SPAG16: variants seen among roughly 807,000 people sequenced by gnomAD.
SPAG16 encodes sperm-associated antigen 16 protein.
Under a neutral mutation model 80.4 loss-of-function variants are expected in SPAG16, and 86 were observed. The ratio of observed to expected loss-of-function variants is 1.07; its 90% CI spans 0.90 to 1.28. The LOEUF is 1.28. Ranked by LOEUF, SPAG16 falls within the 50% of genes most tolerant of loss-of-function variation. The pLI is 0.00. For missense variants in SPAG16, 870 were observed against 765.3 expected, an observed-to-expected ratio of 1.14 and a Z score of -1.61; for synonymous variants, 294 against 265.9, an observed-to-expected ratio of 1.11 and a Z score of -1.03.
At chr2:213,362,420 C>T (rs1006523735) in intron 7 of SPAG16, among the ~76,000 whole-genome samples, 2 of 152,096 alleles carry the variant, frequency 1.3e-5, no homozygotes, top group African/African-American at 4.8e-5. Flanking sequence ...GTGTTGGCTG[C>T]ACTTTGTAAA....
intron 10 of SPAG16, among the ~76,000 whole-genome samples, chr2:213,800,063 T>TGA (rs1284975728): frequency 6.6e-6 from 1 of 152,106 alleles, no homozygotes; most frequent in Non-Finnish European, 1.5e-5. Flanking sequence ...TAAATTATGA[T>TGA]GTTGACAGAA....
At chr2:213,791,061 C>T (rs1407975409) in intron 10 of SPAG16, among the ~76,000 whole-genome samples, 1 of 151,820 alleles carries the variant, frequency 6.6e-6, no homozygotes, top group Non-Finnish European at 1.5e-5. Context: ...GAAATGGTCT[C>T]CAATTGTGGT....
chr2:213,869,627 C>A (rs2075871609), intron 11 of SPAG16, among the ~76,000 whole-genome samples: 2 of 143,630 alleles, frequency 1.4e-5, no homozygotes, highest in South Asian at 4.6e-4. Context: ...TTAAAAATAA[C>A]AGCATACTGC....
intron 13 of SPAG16, among the ~76,000 whole-genome samples, chr2:214,093,725 C>T (rs1473037729): frequency 2.0e-5 from 3 of 151,956 alleles, no homozygotes; most frequent in African/African-American, 7.3e-5. Context: ...GCAGAATTCA[C>T]CAAACTTTTT....
At chr2:213,814,059 G>A (rs1289503560) in intron 10 of SPAG16, among the ~76,000 whole-genome samples, 1 of 152,168 alleles carries the variant, frequency 6.6e-6, no homozygotes, top group East Asian at 1.9e-4. Context: ...GAGACTGAAA[G>A]AGAGATGAAT....
chr2:213,804,497 C>A (rs1370751807), intron 10 of SPAG16, among the ~76,000 whole-genome samples: 1 of 152,124 alleles, frequency 6.6e-6, no homozygotes, highest in East Asian at 1.9e-4. Context: ...TCCTGGCTAA[C>A]ACGGTGAAAC....
At chr2:213,711,251 A>G (rs2065972767) in intron 10 of SPAG16, among the ~76,000 whole-genome samples, 1 of 152,074 alleles carries the variant, frequency 6.6e-6, no homozygotes, top group South Asian at 2.1e-4. Flanking sequence ...ATAAATTGTT[A>G]TGGCAAAAAT....
chr2:214,268,868 C>T (rs1405097979), intron 15 of SPAG16, among the ~76,000 whole-genome samples: 1 of 151,900 alleles, frequency 6.6e-6, no homozygotes, highest in Non-Finnish European at 1.5e-5. Context: ...CTGTATAAAA[C>T]GCTTTTCCCT....
At chr2:213,359,631 A>G (rs1575354143) in intron 7 of SPAG16, among the ~76,000 whole-genome samples, 1 of 152,238 alleles carries the variant, frequency 6.6e-6, no homozygotes, top group Admixed American at 6.5e-5. Flanking sequence ...ACCATGGGAA[A>G]AGTGCAGTAT....
At position 214,360,151 on chromosome 2, in the gene SPAG16, G is replaced by T. The variant is rs377000361; in HGVS notation, c.1721-49989G>T. Among the ~76,000 whole-genome samples the T allele has an allele frequency of 2.9e-3, 434 of 151,928 alleles. 2 individuals carry two copies. Among genetic ancestry groups the T allele is most frequent in the African/African-American group, 9.9e-3 (410 of 41,506 alleles). ...ACGAATAATTATTGTAATATGAGAT[G>T]AATTATAATTTTTGAAGCATCAGGA... On this transcript the variant is annotated intron_variant, in intron 15 of 15. Coordinates refer to ENST00000331683, the MANE Select transcript of SPAG16 (RefSeq NM_024532.5).
intron 15 of SPAG16, among the ~76,000 whole-genome samples, chr2:214,408,154 AT>A (rs947435022): frequency 6.6e-6 from 1 of 152,144 alleles, no homozygotes; most frequent in Non-Finnish European, 1.5e-5. Flanking sequence ...CTTCATAAAT[AT>A]TTCCAATTAT....
intron 15 of SPAG16, among the ~76,000 whole-genome samples, chr2:214,152,301 T>G (rs2056013249): frequency 6.6e-6 from 1 of 152,204 alleles, no homozygotes. Flanking sequence ...ATTTTTAAAA[T>G]GTAGCTTTGG....
chr2:213,629,324 C>A (rs992069559), intron 10 of SPAG16, among the ~76,000 whole-genome samples: 12 of 152,284 alleles, frequency 7.9e-5, no homozygotes, highest in African/African-American at 2.4e-4. Context: ...ACACGTGTTA[C>A]CAACCCACAG....
chr2:213,615,320 C>G (rs999410836), intron 10 of SPAG16, among the ~76,000 whole-genome samples: 1 of 152,182 alleles, frequency 6.6e-6, no homozygotes, highest in African/African-American at 2.4e-5. Context: ...AGGCTGGGTA[C>G]GGTGGCTCAC....
intron 13 of SPAG16, among the ~76,000 whole-genome samples, chr2:214,059,222 G>GTATGTATATATATATATATATA (rs2050119916): frequency 8.2e-6 from 1 of 121,482 alleles, no homozygotes; most frequent in African/African-American, 3.4e-5. Context: ...ATATGTATGT[G>GTATGTATATATATATATATATA]TATATATATA....
intron 7 of SPAG16, among the ~76,000 whole-genome samples, chr2:213,357,201 G>A (rs7355430): frequency 0.22 from 33,793 of 151,956 alleles, 4,512 homozygotes; most frequent in Non-Finnish European, 0.31. Context: ...TAGAATAAGC[G>A]CGATATGGTG....
intron 15 of SPAG16, among the ~76,000 whole-genome samples, chr2:214,223,409 G>A (rs868324266): frequency 1.3e-5 from 2 of 151,706 alleles, no homozygotes; most frequent in African/African-American, 2.4e-5. Context: ...TTCTGAATAC[G>A]TATAGCATAT....
At chr2:213,564,324 A>G (rs2059690610) in intron 10 of SPAG16, among the ~76,000 whole-genome samples, 1 of 151,940 alleles carries the variant, frequency 6.6e-6, no homozygotes, top group Admixed American at 6.6e-5. Context: ...GTGACACCCC[A>G]TCTCTGCTAA....
intron 15 of SPAG16, among the ~76,000 whole-genome samples, chr2:214,308,664 A>G (rs6735352): frequency 0.24 from 35,708 of 151,944 alleles, 4,404 homozygotes; most frequent in East Asian, 0.36. Flanking sequence ...GGCCAGATAT[A>G]AAATTCTGGT....
Sources: allele counts gnomAD v4.1 joint callset (sites outside exome capture counted in the v4.1 genomes callset), GRCh38; gene constraint gnomAD v4.1.1; transcripts MANE v1.5; gene names NCBI Gene and HGNC (gene_info 2026-07-23, HGNC 2026-07-21).